HLCS: variants seen among roughly 807,000 people sequenced by gnomAD.
The protein encoded by HLCS is holocarboxylase synthetase.
HLCS carries 53 observed loss-of-function variants against 75.0 expected under a neutral mutation model. The observed-to-expected ratio is 0.71, with a 90% CI of 0.57 to 0.89. The LOEUF (loss-of-function observed/expected upper bound fraction) is 0.89. Among genes scored for constraint, HLCS ranks in the 40% least tolerant of loss-of-function variants. The probability of loss-of-function intolerance (pLI) is 0.00; values close to 1 mark genes in which losing one functional copy is unlikely to be tolerated. For missense variants in HLCS, 966 were observed against 1,074.0 expected, an observed-to-expected ratio of 0.90 and a Z score of 1.41; for synonymous variants, 431 against 428.6, an observed-to-expected ratio of 1.01 and a Z score of -0.07.
chr21:36,818,318 G>A (rs527777979), intron 6 of HLCS, among the ~76,000 whole-genome samples: 43 of 152,306 alleles, frequency 2.8e-4, no homozygotes, highest in African/African-American at 9.9e-4. Context: ...GGAGCACATA[G>A]GCCGTGATGA....
At chr21:36,766,461 A>T (rs2090038438) in intron 7 of HLCS, among the ~76,000 whole-genome samples, 1 of 150,948 alleles carries the variant, frequency 6.6e-6, no homozygotes, top group South Asian at 2.1e-4. Flanking sequence ...TGACAAAAAC[A>T]TTTTTTTTTT....
chr21:36,809,284 G>A (rs866236704), intron 6 of HLCS, among the ~76,000 whole-genome samples: 53 of 151,982 alleles, frequency 3.5e-4, no homozygotes, highest in East Asian at 1.7e-3. Flanking sequence ...ATTCCATGCC[G>A]TTCTGGTCTG....
chr21:36,763,932 T>C (rs1394616870), intron 8 of HLCS, among the ~76,000 whole-genome samples: 1 of 152,228 alleles, frequency 6.6e-6, no homozygotes, highest in Non-Finnish European at 1.5e-5. Context: ...CTGCACATTG[T>C]ATGTGGTCAA....
chr21:36,915,574 C>T (rs1444739620), intron 5 of HLCS, among the ~76,000 whole-genome samples: 1 of 152,156 alleles, frequency 6.6e-6, no homozygotes, highest in East Asian at 1.9e-4. Flanking sequence ...CGGGTCTAAC[C>T]CCACACACTC....
At chr21:36,940,112 G>A (rs558002947) in intron 2 of HLCS, among the ~76,000 whole-genome samples, 14 of 152,192 alleles carry the variant, frequency 9.2e-5, no homozygotes, top group African/African-American at 2.4e-4. Flanking sequence ...AAGAGTATAC[G>A]TAATGCCCCC....
At chr21:36,793,769 A>G (rs1487780048) in intron 6 of HLCS, among the ~76,000 whole-genome samples, 1 of 152,216 alleles carries the variant, frequency 6.6e-6, no homozygotes, top group Non-Finnish European at 1.5e-5. Context: ...CAGACCTTAA[A>G]GAAATTTAGT....
chr21:36,759,594 GCTC>G (rs1196420218), intron 9 of HLCS, 130 bp downstream of exon 9: 2 of 683,600 alleles, frequency 2.9e-6, no homozygotes, highest in African/African-American at 3.6e-5. Flanking sequence ...TCTATACCCT[GCTC>G]CAAAACTACA....
chr21:36,765,078 G>T lies in HLCS; in HGVS notation c.2055C>A (p.Ile685=), dbSNP rs1568975308. 1 of 1,614,156 alleles carries T rather than the reference G, an allele frequency of 6.2e-7. No homozygotes were observed. Among genetic ancestry groups the T allele is most frequent in the Non-Finnish European group, 8.5e-7 (1 of 1,179,984 alleles). ...IPLRSQLGQR[I]PFVQHLMSVA... is the part of the protein sequence containing the mutation. Reference sequence around the variant, plus strand: ...CGGACATCAGATGCTGGACAAACGGGATCCTCTGTCCCAGCTGGGATCTCA... The same window carrying T: ...CGGACATCAGATGCTGGACAAACGGTATCCTCTGTCCCAGCTGGGATCTCA... The change falls in exon 8 of 11, where the codon ATC becomes ATA. Residue 685 remains isoleucine, a synonymous_variant. Transcript: ENST00000674895.
chr21:36,894,780 G>C (rs2064941990), intron 6 of HLCS, among the ~76,000 whole-genome samples: 1 of 151,754 alleles, frequency 6.6e-6, no homozygotes, highest in Non-Finnish European at 1.5e-5. Context: ...TCCACCTCTA[G>C]TGTTGGCAAG....
intron 6 of HLCS, among the ~76,000 whole-genome samples, chr21:36,847,773 A>AT (rs1300023569): frequency 2.6e-5 from 4 of 152,226 alleles, no homozygotes; most frequent in East Asian, 3.9e-4. Context: ...ACATATAAGA[A>AT]TTTTTTTTAA....
intron 2 of HLCS, among the ~76,000 whole-genome samples, chr21:36,954,897 G>A (rs2067857201): frequency 6.6e-6 from 1 of 150,950 alleles, no homozygotes. Flanking sequence ...CCTCATCTCT[G>A]CTAAAAATAT....
At chr21:36,880,065 T>C (rs1346285989) in intron 6 of HLCS, among the ~76,000 whole-genome samples, 1 of 152,144 alleles carries the variant, frequency 6.6e-6, no homozygotes, top group Non-Finnish European at 1.5e-5. Context: ...TGGACAGACA[T>C]TTGTTTGTCT....
intron 6 of HLCS, among the ~76,000 whole-genome samples, chr21:36,886,945 G>A (rs1321745879): frequency 2.0e-5 from 3 of 152,042 alleles, no homozygotes; most frequent in African/African-American, 7.2e-5. Flanking sequence ...TGGCCAACAT[G>A]GTGAAACCCT....
In HLCS at chr21:36,751,017, G is replaced by C. The variant is rs569427142; in HGVS notation, c.*3229C>G. On this transcript the variant is annotated 3_prime_UTR_variant, in exon 11 of 11. Coordinates refer to ENST00000674895, the MANE Select transcript of HLCS (RefSeq NM_001352514.2). ...CGCTGAATACATTTGTCAATAATAC[G>C]TCAAAAAAAAAAACACTTGGCTTCT... is the stretch of plus-strand genomic sequence containing the variant. 6.8e-6 allele frequency: 1 copy of C among 146,736 alleles called. No individual in the cohort carries two copies. Among genetic ancestry groups the C allele is most frequent in the Non-Finnish European group, 1.5e-5 (1 of 66,816 alleles). 9.1% of individuals were successfully genotyped at this position (146,736 alleles called of 1,614,324 possible). A position where few individuals can be genotyped will look rare whatever the true frequency, so the allele number is the denominator to read the frequency against.
chr21:36,855,667 C>T (rs2063167282), intron 6 of HLCS, among the ~76,000 whole-genome samples: 1 of 152,102 alleles, frequency 6.6e-6, no homozygotes, highest in Admixed American at 6.6e-5. Flanking sequence ...ACCTCTGCCT[C>T]CCAGGCTCAG....
At chr21:36,931,012 G>A (rs1043392495) in intron 4 of HLCS, among the ~76,000 whole-genome samples, 12 of 152,124 alleles carry the variant, frequency 7.9e-5, no homozygotes, top group South Asian at 4.2e-4. Context: ...GGCCGGGAGC[G>A]GTGGCTCACG....
chr21:36,750,814 A>G lies in HLCS; in HGVS notation c.*3432T>C, dbSNP rs1470772842. The G allele has an allele frequency of 1.3e-5, 2 of 151,488 alleles. No homozygotes were observed. The highest frequency in any genetic ancestry group is 2.4e-5 in the African/African-American group (1 of 41,190). The allele number at this position is 151,488 out of a possible 1,614,324, so 9.4% of individuals were successfully genotyped here. On this transcript the variant is annotated 3_prime_UTR_variant, in exon 11 of 11. Transcript: ENST00000674895. ...CATATAAGATTAAAATCTTGGGGGG[A>G]AAAACTGTTCAGATGAAAAGTCAAG... is the stretch of plus-strand genomic sequence containing the variant.
chr21:36,932,361 A>C (rs2066685926), intron 4 of HLCS, among the ~76,000 whole-genome samples: 1 of 152,186 alleles, frequency 6.6e-6, no homozygotes, highest in Non-Finnish European at 1.5e-5. Flanking sequence ...GCAGTTTCCA[A>C]GAATCTATCA....
chr21:36,857,451 C>G (rs1057487312), intron 6 of HLCS, among the ~76,000 whole-genome samples: 12 of 152,224 alleles, frequency 7.9e-5, no homozygotes, highest in Non-Finnish European at 1.6e-4. Flanking sequence ...AAGAGGTTCA[C>G]AAGAATTCAT....
Sources: allele counts gnomAD v4.1 joint callset (sites outside exome capture counted in the v4.1 genomes callset), GRCh38; gene constraint gnomAD v4.1.1; transcripts MANE v1.5; gene names NCBI Gene and HGNC (gene_info 2026-07-23, HGNC 2026-07-21).